Variants in ZNF804A observed in about 807,000 individuals in gnomAD.
The protein encoded by ZNF804A is zinc finger protein 804A.
A neutral mutation model predicts 16.5 loss-of-function variants in ZNF804A; 2 were observed. The observed-to-expected ratio is 0.12, with a 90% confidence interval of 0.05 to 0.38. ZNF804A has a LOEUF of 0.38. ZNF804A is among the 10% of genes least tolerant of loss of function. ZNF804A has a pLI of 0.99. For synonymous variants in ZNF804A, 534 were observed against 489.6 expected (o/e 1.09, Z -1.20); for missense variants, 1,473 against 1,390.7 (o/e 1.06, Z -0.94).
At chr2:184,925,393 C>G (rs964005724) in intron 2 of ZNF804A, among the ~76,000 whole-genome samples, 3 of 151,846 alleles carry the variant, frequency 2.0e-5, no homozygotes, top group African/African-American at 7.2e-5. Context: ...GATAACTTTT[C>G]CCATCCTTTC....
chr2:184,758,518 T>C (rs1043657320), intron 1 of ZNF804A, among the ~76,000 whole-genome samples: 1 of 151,972 alleles, frequency 6.6e-6, no homozygotes, highest in Admixed American at 6.6e-5. Context: ...TTTGTAATAA[T>C]GCTAGGATTT....
chr2:184,873,387 C>T (rs747274457), intron 2 of ZNF804A, among the ~76,000 whole-genome samples: 118 of 152,180 alleles, frequency 7.8e-4, no homozygotes, highest in Admixed American at 1.4e-3. Context: ...ATGCAGGAAG[C>T]TGAGGTGGAA....
chr2:184,688,848 T>G (rs1692685826), intron 1 of ZNF804A, among the ~76,000 whole-genome samples: 1 of 152,164 alleles, frequency 6.6e-6, no homozygotes, highest in African/African-American at 2.4e-5. Flanking sequence ...ATCTGACTAT[T>G]TTAAGTAAAG....
At chr2:184,807,032 A>G (rs982999099) in intron 1 of ZNF804A, among the ~76,000 whole-genome samples, 1 of 151,796 alleles carries the variant, frequency 6.6e-6, no homozygotes, top group Non-Finnish European at 1.5e-5. Flanking sequence ...CTAGTGTTAT[A>G]TTGTCTCTGC....
At chr2:184,748,466 A>C (rs1399349208) in intron 1 of ZNF804A, among the ~76,000 whole-genome samples, 2 of 151,128 alleles carry the variant, frequency 1.3e-5, no homozygotes, top group African/African-American at 4.8e-5. Flanking sequence ...CCCAATTTTA[A>C]TGAGATTATT....
intron 1 of ZNF804A, among the ~76,000 whole-genome samples, chr2:184,668,260 C>A (rs900762254): frequency 6.6e-6 from 1 of 151,836 alleles, no homozygotes; most frequent in Non-Finnish European, 1.5e-5. Context: ...TTAACATATT[C>A]ATCACTTCAC....
chr2:184,886,843 C>T (rs1684898828), intron 2 of ZNF804A, among the ~76,000 whole-genome samples: 1 of 152,234 alleles, frequency 6.6e-6, no homozygotes, highest in Non-Finnish European at 1.5e-5. Context: ...CCACTTTTTC[C>T]TCCTAGGCCT....
intron 1 of ZNF804A, among the ~76,000 whole-genome samples, chr2:184,652,005 C>T (rs1369078728): frequency 2.0e-5 from 3 of 152,004 alleles, no homozygotes; most frequent in African/African-American, 7.2e-5. Flanking sequence ...AATTGTAGAA[C>T]ATTCACAATA....
chr2:184,847,669 G>A (rs1695541130), intron 1 of ZNF804A, among the ~76,000 whole-genome samples: 8 of 151,966 alleles, frequency 5.3e-5, no homozygotes, highest in Admixed American at 5.3e-4. Flanking sequence ...GACACCAACT[G>A]GGTTAATGTC....
intron 1 of ZNF804A, among the ~76,000 whole-genome samples, chr2:184,803,798 A>T (rs910702314): frequency 6.8e-6 from 1 of 147,350 alleles, no homozygotes; most frequent in Non-Finnish European, 1.5e-5. Flanking sequence ...CATTACTCCA[A>T]TCTGTGTATC....
At chr2:184,783,608 T>C (rs1313912242) in intron 1 of ZNF804A, among the ~76,000 whole-genome samples, 2 of 151,976 alleles carry the variant, frequency 1.3e-5, no homozygotes, top group African/African-American at 4.8e-5. Context: ...TTTGCCTTTA[T>C]GGTTTTCTGT....
intron 1 of ZNF804A, among the ~76,000 whole-genome samples, chr2:184,689,795 G>GTT (rs1380816831): frequency 6.6e-6 from 1 of 151,916 alleles, no homozygotes; most frequent in African/African-American, 2.4e-5. Flanking sequence ...TTAGAATATC[G>GTT]TAAGATTCTG....
chr2:184,784,371 C>A (rs1694417813), intron 1 of ZNF804A, among the ~76,000 whole-genome samples: 1 of 151,954 alleles, frequency 6.6e-6, no homozygotes, highest in Admixed American at 6.6e-5. Context: ...ATATGTATTA[C>A]ATACTACATA....
At chr2:184,604,730 T>C (rs1691114429) in intron 1 of ZNF804A, among the ~76,000 whole-genome samples, 1 of 152,168 alleles carries the variant, frequency 6.6e-6, no homozygotes, top group Non-Finnish European at 1.5e-5. Flanking sequence ...ACTTCAGTGT[T>C]CCATACCTTG....
chr2:184,598,835 CCGGGGGTGGCTGCGTGCCCTCGTGG>C lies in ZNF804A; in HGVS notation c.-120_-96del. 2 of 499,590 alleles carry C rather than the reference CCGGGGGTGGCTGCGTGCCCTCGTGG, an allele frequency of 4.0e-6. No individual in the cohort carries two copies. The highest frequency in any genetic ancestry group is 8.9e-5 in the Admixed American group (2 of 22,534). 30.9% of individuals were successfully genotyped at this position (499,590 alleles called of 1,614,324 possible). A position where few individuals can be genotyped will look rare whatever the true frequency, so the allele number is the denominator to read the frequency against. ...AGTGAGCCAGTCTCCAGAGGACGTG[CCGGGGGTGGCTGCGTGCCCTCGTGG>C]CGGGTTCCCAGCCCACCGTCGCCGG... is the stretch of plus-strand genomic sequence containing the variant. On this transcript the variant is annotated 5_prime_UTR_variant, in exon 1 of 4. Coordinates refer to ENST00000302277, the MANE Select transcript of ZNF804A (RefSeq NM_194250.2).
intron 1 of ZNF804A, among the ~76,000 whole-genome samples, chr2:184,675,092 A>G (rs575764364): frequency 2.5e-4 from 38 of 151,920 alleles, no homozygotes; most frequent in Non-Finnish European, 4.6e-4. Flanking sequence ...TTATGTAAGT[A>G]TGTACTGTGC....
chr2:184,853,641 A>G (rs1695640252), intron 1 of ZNF804A, among the ~76,000 whole-genome samples: 1 of 151,834 alleles, frequency 6.6e-6, no homozygotes, highest in South Asian at 2.1e-4. Context: ...TTCTGCATCT[A>G]TTGAAATGAT....
At chr2:184,749,607 A>T (rs1348138613) in intron 1 of ZNF804A, among the ~76,000 whole-genome samples, 1 of 151,218 alleles carries the variant, frequency 6.6e-6, no homozygotes, top group African/African-American at 2.4e-5. Flanking sequence ...GGGATTCTAC[A>T]TCTAAAAAAT....
chr2:184,909,617 A>G (rs1203295279), intron 2 of ZNF804A, among the ~76,000 whole-genome samples: 1 of 152,006 alleles, frequency 6.6e-6, no homozygotes, highest in Non-Finnish European at 1.5e-5. Flanking sequence ...ACTTTCTTAA[A>G]TCATAATTTT....
Sources: allele counts gnomAD v4.1 joint callset (sites outside exome capture counted in the v4.1 genomes callset), GRCh38; gene constraint gnomAD v4.1.1; transcripts MANE v1.5; gene names NCBI Gene and HGNC (gene_info 2026-07-23, HGNC 2026-07-21).